The following LRMDA variants were observed in gnomAD, a reference collection of about 807,000 sequenced individuals.
LRMDA encodes the protein leucine rich melanocyte differentiation associated, also known as leucine-rich melanocyte differentiation-associated protein.
In LRMDA, 18 loss-of-function variants were observed where a neutral mutation model predicts 29.8. The observed-to-expected ratio is 0.60, with a 90% confidence interval of 0.42 to 0.90. The LOEUF (loss-of-function observed/expected upper bound fraction) is 0.90. Among genes scored for constraint, LRMDA ranks in the 40% least tolerant of loss-of-function variants. The pLI, the probability that LRMDA is intolerant of heterozygous loss-of-function variation, is 0.00. For missense variants in LRMDA, 273 were observed against 273.9 expected (o/e 1.00, Z 0.02); for synonymous variants, 125 against 109.4 (o/e 1.14, Z -0.89).
chr10:76,282,951 T>C (rs1480456430), intron 5 of LRMDA, among the ~76,000 whole-genome samples: 1 of 152,128 alleles, frequency 6.6e-6, no homozygotes, highest in Admixed American at 6.6e-5. Context: ...CCTTGGTGTG[T>C]TGCTGATACT....
chr10:75,782,665 C>T lies in LRMDA; in HGVS notation c.132-253343C>T, dbSNP rs932726862. On this transcript the variant is annotated intron_variant, in intron 2 of 6. Coordinates refer to ENST00000611255, the MANE Select transcript of LRMDA (RefSeq NM_001305581.2). The stretch of plus-strand genomic sequence containing the variant: ...TGAGCTTCTTTTGACTTCTAGTCCT[C>T]GCTGCCGGTGCAGTTCCAAGTAGAG... The T allele has an allele frequency of 6.7e-6, 7 of 1,050,166 alleles. No individual in the cohort carries two copies. In the African/African-American group the frequency reaches 8.1e-5, roughly 12 times the overall value. The allele number at this position is 1,050,166 out of a possible 1,614,324, so 65.1% of individuals were successfully genotyped here. A position where few individuals can be genotyped will look rare whatever the true frequency, so the allele number is the denominator to read the frequency against.
intron 5 of LRMDA, among the ~76,000 whole-genome samples, chr10:76,151,331 G>A (rs1263239927): frequency 2.0e-5 from 3 of 152,066 alleles, no homozygotes; most frequent in Middle Eastern, 3.2e-3. Context: ...AGGTCTCCCC[G>A]ACCACGTTTT....
intron 2 of LRMDA, among the ~76,000 whole-genome samples, chr10:75,732,372 T>C (rs1321050409): frequency 6.6e-6 from 1 of 152,254 alleles, no homozygotes; most frequent in Non-Finnish European, 1.5e-5. Flanking sequence ...TTGCAGATTC[T>C]TGGGCAAGAG....
chr10:75,509,878 T>C (rs997180357), intron 2 of LRMDA, among the ~76,000 whole-genome samples: 1 of 152,208 alleles, frequency 6.6e-6, no homozygotes, highest in Admixed American at 6.5e-5. Context: ...TCTTACAGCC[T>C]GTCTGAGGCA....
At chr10:76,338,702 A>T (rs550800233) in intron 6 of LRMDA, among the ~76,000 whole-genome samples, 20 of 84,676 alleles carry the variant, frequency 2.4e-4, no homozygotes, top group Non-Finnish European at 3.9e-4. Context: ...AGATTTGGTT[A>T]AAAAAAAATG....
chr10:75,993,357 C>A (rs1014937073), intron 2 of LRMDA, among the ~76,000 whole-genome samples: 1 of 152,132 alleles, frequency 6.6e-6, no homozygotes, highest in African/African-American at 2.4e-5. Context: ...ATCATCATAA[C>A]CTGGCAGGCA....
intron 2 of LRMDA, among the ~76,000 whole-genome samples, chr10:75,690,494 T>G (rs2132159951): frequency 6.6e-6 from 1 of 152,252 alleles, no homozygotes; most frequent in East Asian, 1.9e-4. Context: ...ATTGTTATTT[T>G]TTTTAAAGAC....
chr10:75,711,264 A>G (rs2132177659), intron 2 of LRMDA, among the ~76,000 whole-genome samples: 1 of 152,250 alleles, frequency 6.6e-6, no homozygotes, highest in African/African-American at 2.4e-5. Context: ...TTAAATCCTG[A>G]TGCCTTTACT....
chr10:76,223,281 A>AAT (rs1564691305), intron 5 of LRMDA, among the ~76,000 whole-genome samples: 5 of 152,168 alleles, frequency 3.3e-5, no homozygotes, highest in African/African-American at 7.2e-5. Flanking sequence ...ATAATAATAA[A>AAT]AAAGAGTCTC....
chr10:75,942,895 T>A (rs1846416442), intron 2 of LRMDA, among the ~76,000 whole-genome samples: 1 of 152,178 alleles, frequency 6.6e-6, no homozygotes, highest in Non-Finnish European at 1.5e-5. Flanking sequence ...TGAAGTCCTA[T>A]CATCCATGAG....
intron 2 of LRMDA, among the ~76,000 whole-genome samples, chr10:75,708,090 G>A (rs72809480): frequency 0.065 from 9,940 of 152,102 alleles, 451 homozygotes; most frequent in South Asian, 0.12. Flanking sequence ...AAGGTTTCAG[G>A]CTCAATCCTT....
rs574445785 is a variant in LRMDA at position 75,605,200 on chromosome 10, T to C, written c.131+166706T>C. Among the ~76,000 whole-genome samples the C allele has an allele frequency of 1.2e-4, 18 of 152,350 alleles. 1 individual carries two copies. The South Asian group carries it at 3.3e-3, about 28-fold the overall frequency. Reference sequence around the variant, plus strand: ...ACTGGGAATATAGAGACTTGAATTCTAAATCAATTTCTCCAAGTTTGATTA... The same window carrying C: ...ACTGGGAATATAGAGACTTGAATTCCAAATCAATTTCTCCAAGTTTGATTA... On this transcript the variant is annotated intron_variant, in intron 2 of 6. Coordinates refer to ENST00000611255, the MANE Select transcript of LRMDA (RefSeq NM_001305581.2).
chr10:76,093,283 C>T (rs544325625), intron 5 of LRMDA, among the ~76,000 whole-genome samples: 151 of 151,708 alleles, frequency 1.0e-3, no homozygotes, highest in Non-Finnish European at 1.8e-3. Flanking sequence ...AGTGATTCTC[C>T]CAAAGTGTTG....
intron 2 of LRMDA, among the ~76,000 whole-genome samples, chr10:75,661,355 A>G (rs1464069747): frequency 2.0e-5 from 3 of 152,192 alleles, no homozygotes; most frequent in Non-Finnish European, 4.4e-5. Context: ...TTTGTACCAG[A>G]CCAGTTCTTC....
At chr10:76,271,393 G>A (rs1324450999) in intron 5 of LRMDA, among the ~76,000 whole-genome samples, 1 of 151,454 alleles carries the variant, frequency 6.6e-6, no homozygotes, top group Non-Finnish European at 1.5e-5. Flanking sequence ...GGGCAGCAGA[G>A]TTAGACCCTG....
At chr10:76,204,632 G>A (rs765709627) in intron 5 of LRMDA, among the ~76,000 whole-genome samples, 1 of 152,038 alleles carries the variant, frequency 6.6e-6, no homozygotes, top group Non-Finnish European at 1.5e-5. Flanking sequence ...CCCAATTGTA[G>A]GTCCAGGGCT....
At chr10:75,582,806 C>T (rs975678858) in intron 2 of LRMDA, among the ~76,000 whole-genome samples, 2 of 152,170 alleles carry the variant, frequency 1.3e-5, no homozygotes, top group East Asian at 3.8e-4. Context: ...TCCTAGTTTA[C>T]ATCATTTATT....
At chr10:76,055,142 T>C (rs1447347847) in intron 4 of LRMDA, among the ~76,000 whole-genome samples, 1 of 151,204 alleles carries the variant, frequency 6.6e-6, no homozygotes, top group Non-Finnish European at 1.5e-5. Flanking sequence ...TTGGGTGTTT[T>C]GTGGCACTTT....
intron 2 of LRMDA, among the ~76,000 whole-genome samples, chr10:75,902,851 C>T (rs1845698347): frequency 6.6e-6 from 1 of 152,178 alleles, no homozygotes; most frequent in African/African-American, 2.4e-5. Flanking sequence ...TCTGGTTCCC[C>T]CGACAACCCC....
Sources: gnomAD v4.1 joint callset for allele counts (sites outside exome capture counted in the v4.1 genomes callset) on GRCh38, gnomAD v4.1.1 for gene constraint, MANE v1.5 for transcripts, NCBI Gene and HGNC (gene_info 2026-07-23, HGNC 2026-07-21) for gene names.